Variants in ACACA observed in about 807,000 individuals in gnomAD.
ACACA encodes the protein acetyl-CoA carboxylase 1.
A neutral mutation model predicts 296.1 loss-of-function variants in ACACA; 103 were observed. That is an observed-to-expected ratio of 0.35 (90% CI 0.30 to 0.41). The LOEUF is 0.41. Ranked by LOEUF, ACACA falls within the 10% of genes least tolerant of loss-of-function variation. The pLI is 1.00. For missense variants in ACACA, 1,554 were observed against 2,989.7 expected (o/e 0.52, Z 11.20); for synonymous variants, 953 against 1,038.6 (o/e 0.92, Z 1.58).
intron 25 of ACACA, among the ~76,000 whole-genome samples, chr17:37,230,976 G>C (rs966192017): frequency 9.2e-5 from 14 of 152,172 alleles, no homozygotes; most frequent in African/African-American, 3.4e-4. Flanking sequence ...AGCCATACTG[G>C]TACAAAACAG....
chr17:37,151,127 CA>C (rs2076021638), intron 44 of ACACA, among the ~76,000 whole-genome samples, 173 bp downstream of exon 44: 1 of 151,998 alleles, frequency 6.6e-6, no homozygotes, highest in Non-Finnish European at 1.5e-5. Flanking sequence ...TTGAAAAATT[CA>C]GTTATTTATA....
In ACACA at chr17:37,248,137, T is replaced by C. The variant is rs2080807403; in HGVS notation, c.2183A>G (p.Asn728Ser). 7.4e-6 allele frequency: 12 copies of C among 1,613,968 alleles called. No homozygotes were observed. Among genetic ancestry groups the C allele is most frequent in the East Asian group, 2.2e-5 (1 of 44,884 alleles). The part of the protein sequence containing the change: ...YVLKVTRQSP[N>S]SYVVIMNGSC... The stretch of plus-strand genomic sequence containing the variant: ...GCCATTCATGATCACCACATAGGAG[T>C]TGGGGGACTGTCGAGTCACCTGTAG... Residue 728 changes from asparagine (N) to serine (S), a missense_variant, in exon 18 of 56, where the codon AAC (asparagine) becomes AGC (serine). Physicochemically the swap from Asn to Ser is conservative, Grantham distance 46. Transcript: ENST00000616317.
At chr17:37,216,413 T>C (rs1324274538) in intron 29 of ACACA, among the ~76,000 whole-genome samples, 1 of 151,948 alleles carries the variant, frequency 6.6e-6, no homozygotes, top group East Asian at 1.9e-4. Flanking sequence ...AAAAAAAATT[T>C]AGAAGTCTTG....
chr17:37,178,835 A>G (rs1271142748), intron 41 of ACACA, among the ~76,000 whole-genome samples: 1 of 151,978 alleles, frequency 6.6e-6, no homozygotes, highest in Non-Finnish European at 1.5e-5. Context: ...AAATCCCCAA[A>G]TTTCACACAT....
rs1002344614 is a variant in ACACA at position 37,222,856 on chromosome 17, G to A, written c.3564+656C>T. Among the ~76,000 whole-genome samples, 3 of 152,186 alleles carry A rather than the reference G, an allele frequency of 2.0e-5. No homozygotes were observed. The East Asian group carries it at 5.8e-4, about 29-fold the overall frequency. On this transcript the variant is annotated intron_variant, in intron 28 of 55. Coordinates refer to ENST00000616317, the MANE Select transcript of ACACA (RefSeq NM_198834.3). ...GTGGTATTCAGGGCCTGCAATTTTT[G>A]TGCTTAATGAGGTAGTGTGCTGTAG...
chr17:37,219,038 G>C (rs2079160825), intron 29 of ACACA, among the ~76,000 whole-genome samples: 1 of 152,192 alleles, frequency 6.6e-6, no homozygotes, highest in Admixed American at 6.5e-5. Context: ...TAAGAGATGA[G>C]ATGACTCAGG....
At chr17:37,177,272 G>A (rs2077154981) in intron 41 of ACACA, among the ~76,000 whole-genome samples, 1 of 58,966 alleles carries the variant, frequency 1.7e-5, no homozygotes, top group Non-Finnish European at 2.9e-5. Flanking sequence ...AAAAATTCGT[G>A]TGTGTGTGTG....
Position 37,165,452 on chromosome 17 carries a change from AAAT to A in ACACA, c.5080-3405_5080-3403del, listed in dbSNP as rs371339039. On this transcript the variant is annotated intron_variant, in intron 41 of 55. Coordinates refer to ENST00000616317, the MANE Select transcript of ACACA (RefSeq NM_198834.3). ...AATGTCCCCACATGCGAAATTAAGA[AAAT>A]AATACCCATGGGTTTGATAAACACA... Among the ~76,000 whole-genome samples the A allele has an allele frequency of 2.8e-4, 42 of 152,284 alleles. No homozygotes were observed. The South Asian group carries it at 8.7e-3, about 32-fold the overall frequency.
intron 22 of ACACA, among the ~76,000 whole-genome samples, chr17:37,242,933 G>C (rs2080493607): frequency 6.6e-6 from 1 of 151,962 alleles, no homozygotes; most frequent in Non-Finnish European, 1.5e-5. Context: ...TACTCAGGAG[G>C]CTGAGGCAGG....
intron 41 of ACACA, among the ~76,000 whole-genome samples, chr17:37,167,890 T>C (rs989076709): frequency 1.3e-5 from 2 of 152,106 alleles, no homozygotes; most frequent in East Asian, 1.9e-4. Context: ...TGGAGGGAAG[T>C]AAATTGGATA....
intron 2 of ACACA, 132 bp from the exon 3 acceptor site, chr17:37,330,557 G>T: frequency 8.8e-7 from 1 of 1,137,374 alleles, no homozygotes; most frequent in Non-Finnish European, 1.3e-6. Context: ...AACTTCCTTG[G>T]CTATTCTATT....
At chr17:37,271,114 A>T (rs2082047151) in intron 9 of ACACA, among the ~76,000 whole-genome samples, 1 of 152,256 alleles carries the variant, frequency 6.6e-6, no homozygotes, top group Admixed American at 6.5e-5. Context: ...TTATGGTTCA[A>T]TCTAAAGTAA....
intron 1 of ACACA, chr17:37,388,845 T>C (rs1202225916): frequency 1.2e-6 from 2 of 1,600,224 alleles, no homozygotes; most frequent in Non-Finnish European, 1.7e-6. Context: ...AAAGACTTTC[T>C]TCTGTTCCAG....
At chr17:37,157,363 G>A (rs560927211) in intron 42 of ACACA, among the ~76,000 whole-genome samples, 2 of 152,258 alleles carry the variant, frequency 1.3e-5, no homozygotes. Context: ...AGGGGAGGCT[G>A]TAGCAAGAAA....
chr17:37,088,491 G>A (rs1379271004), intron 55 of ACACA, among the ~76,000 whole-genome samples: 1 of 152,190 alleles, frequency 6.6e-6, no homozygotes, highest in Non-Finnish European at 1.5e-5. Context: ...TAAGTGAAAT[G>A]TTTCCAAATA....
At chr17:37,192,618 T>G (rs1289392328) in intron 36 of ACACA, among the ~76,000 whole-genome samples, 1 of 152,188 alleles carries the variant, frequency 6.6e-6, no homozygotes, top group Non-Finnish European at 1.5e-5. Context: ...CAACATTTAA[T>G]GTCTTTATAT....
Position 37,097,644 on chromosome 17 carries a change from C to T in ACACA, c.6720+186G>A, listed in dbSNP as rs747755986. On this transcript the variant is annotated intron_variant, in intron 53 of 55. Coordinates refer to ENST00000616317, the MANE Select transcript of ACACA (RefSeq NM_198834.3). The surrounding 1 kb of genome is among the most constrained non-coding windows in gnomAD (Gnocchi z 4.8). ...GGAATTAATGGAAACCTAAATTATACATTGTTTTAAGATGATAACAGTTAC... is the reference window on the plus strand; with the variant it reads ...GGAATTAATGGAAACCTAAATTATATATTGTTTTAAGATGATAACAGTTAC... 6.6e-6 allele frequency among the ~76,000 whole-genome samples: 1 copy of T among 152,160 alleles called. No individual in the cohort carries two copies. The highest frequency in any genetic ancestry group is 1.5e-5 in the Non-Finnish European group (1 of 68,024).
chr17:37,088,424 A>T (rs1459176012), intron 55 of ACACA, among the ~76,000 whole-genome samples: 3 of 152,204 alleles, frequency 2.0e-5, no homozygotes, highest in Admixed American at 2.0e-4. Context: ...AAATCTGAGT[A>T]CAGATATTAT....
At chr17:37,106,319 C>A (rs551035325) in intron 52 of ACACA, among the ~76,000 whole-genome samples, 2 of 152,162 alleles carry the variant, frequency 1.3e-5, no homozygotes, top group East Asian at 3.9e-4. Flanking sequence ...GCAAATAATC[C>A]TTTTGTAATG....
Sources: allele counts gnomAD v4.1 joint callset (sites outside exome capture counted in the v4.1 genomes callset), GRCh38; gene constraint gnomAD v4.1.1; non-coding constraint Gnocchi (gnomAD v3.1); transcripts MANE v1.5; gene names NCBI Gene and HGNC (gene_info 2026-07-23, HGNC 2026-07-21).